Variants in CRISP2 observed in about 807,000 individuals in gnomAD.
CRISP2 encodes the protein cysteine-rich secretory protein 2.
A neutral mutation model predicts 31.7 loss-of-function variants in CRISP2; 29 were observed. That is an observed-to-expected ratio of 0.92 (90% CI 0.68 to 1.25). The LOEUF is 1.25. Ranked by LOEUF, CRISP2 falls within the 50% of genes most tolerant of loss-of-function variation. CRISP2 has a pLI of 0.00. For missense variants in CRISP2, 318 were observed against 286.5 expected (o/e 1.11, Z -0.79); for synonymous variants, 111 against 101.4 (o/e 1.09, Z -0.57).
At chr6:49,690,333 A>C (rs574894695), downstream of CRISP2, among the ~76,000 whole-genome samples, 9 of 152,116 alleles carry the variant, frequency 5.9e-5, no homozygotes, top group Non-Finnish European at 1.3e-4. Flanking sequence ...CATGAAAGAA[A>C]CCCAAACAAA....
chr6:49,681,999 T>C, the CRISP2 span, among the ~76,000 whole-genome samples: 2 of 152,190 alleles, frequency 1.3e-5, no homozygotes, highest in Non-Finnish European at 2.9e-5. Context: ...GGTTAGATCA[T>C]TCTTTTTCTC....
chr6:49,713,012 A>ATT (rs564846691), intron 1 of CRISP2, among the ~76,000 whole-genome samples: 1 of 149,832 alleles, frequency 6.7e-6, no homozygotes, highest in African/African-American at 2.4e-5. Flanking sequence ...TTGTCTCTTC[A>ATT]TTTTTTTTTT....
At position 49,695,932 on chromosome 6, in the gene CRISP2, T is replaced by A. The variant is rs376334111; in HGVS notation, c.516-8A>T. On this transcript the variant is annotated splice_region_variant and splice_polypyrimidine_tract_variant and intron_variant, in intron 8 of 9. Coordinates refer to ENST00000339139, the MANE Select transcript of CRISP2 (RefSeq NM_003296.4). ...CTATTCATATTATTACCACTGAAAT[T>A]TGAAATACATGTCAAATATTTTTCA... 6.3e-7 allele frequency: 1 copy of A among 1,575,020 alleles called. No individual in the cohort carries two copies. The highest frequency in any genetic ancestry group is 1.4e-5 in the African/African-American group (1 of 73,918).
chr6:49,683,746 T>C, the CRISP2 span, among the ~76,000 whole-genome samples: 1 of 128,202 alleles, frequency 7.8e-6, no homozygotes, highest in African/African-American at 2.9e-5. Context: ...ACTAAGTCAC[T>C]ATGTAATTTA....
intron 8 of CRISP2, among the ~76,000 whole-genome samples, chr6:49,696,761 A>G (rs904247933): frequency 2.0e-5 from 3 of 152,144 alleles, no homozygotes; most frequent in Non-Finnish European, 4.4e-5. Context: ...AAGTGGGGTA[A>G]GGACCCAAGG....
intron 4 of CRISP2, among the ~76,000 whole-genome samples, chr6:49,703,077 C>A (rs1020076121): frequency 7.2e-5 from 11 of 152,200 alleles, no homozygotes; most frequent in Middle Eastern, 3.4e-3. Flanking sequence ...AATAAGGTGT[C>A]CTTTTCCCAC....
At chr6:49,697,795 G>A (rs1765021378) in intron 8 of CRISP2, 65 bp downstream of exon 8, 1 of 1,603,416 alleles carries the variant, frequency 6.2e-7, no homozygotes, top group Non-Finnish European at 8.5e-7. Context: ...TTTAAGATAT[G>A]AGAATTATTA....
chr6:49,696,781 T>C (rs773511430), intron 8 of CRISP2, among the ~76,000 whole-genome samples: 27 of 152,142 alleles, frequency 1.8e-4, no homozygotes, highest in Non-Finnish European at 2.6e-4. Context: ...GAAGTGCAGC[T>C]GAATCTCAGT....
At chr6:49,696,691 T>C (rs1561865134) in intron 8 of CRISP2, among the ~76,000 whole-genome samples, 1 of 152,142 alleles carries the variant, frequency 6.6e-6, no homozygotes. Flanking sequence ...ATGATGATCA[T>C]TATTCTATTG....
chr6:49,688,720 T>C (rs1213773116), downstream of CRISP2, among the ~76,000 whole-genome samples: 1 of 152,226 alleles, frequency 6.6e-6, no homozygotes, highest in Admixed American at 6.5e-5. Context: ...CAAAAATGCA[T>C]TTTTGAATCT....
the CRISP2 span, among the ~76,000 whole-genome samples, chr6:49,682,481 CCT>C: frequency 8.9e-5 from 1 of 11,288 alleles, no homozygotes. Flanking sequence ...TCCCTCCCTC[CCT>C]CCTCCTCCTC....
At chr6:49,705,513 T>C (rs1766868719) in intron 4 of CRISP2, among the ~76,000 whole-genome samples, 2 of 152,160 alleles carry the variant, frequency 1.3e-5, no homozygotes, top group African/African-American at 4.8e-5. Flanking sequence ...TGTACTCATA[T>C]CCGTACTTCC....
At chr6:49,706,090 G>A (rs1043622224) in intron 4 of CRISP2, among the ~76,000 whole-genome samples, 2 of 152,164 alleles carry the variant, frequency 1.3e-5, no homozygotes, top group Non-Finnish European at 2.9e-5. Flanking sequence ...CTTTTAATAT[G>A]ATTTGTATAG....
chr6:49,705,446 A>G (rs1477301614), intron 4 of CRISP2, among the ~76,000 whole-genome samples: 1 of 152,164 alleles, frequency 6.6e-6, no homozygotes, highest in Admixed American at 6.5e-5. Flanking sequence ...ACCCTCCCCA[A>G]GGAGAGACTA....
At chr6:49,701,521 TATATAC>T (rs1428884713) in intron 4 of CRISP2, among the ~76,000 whole-genome samples, 1,396 of 123,966 alleles carry the variant, frequency 0.011, 59 homozygotes, top group African/African-American at 0.021. Context: ...TATATATATA[TATATAC>T]ACACACACAC....
the CRISP2 span, among the ~76,000 whole-genome samples, chr6:49,683,683 AAAAAAAAAAAAATATATATAT>A: frequency 5.0e-4 from 26 of 51,840 alleles, no homozygotes; most frequent in Non-Finnish European, 8.9e-4. Context: ...AAAAAAAAAA[AAAAAAAAAAAAATATATATAT>A]ATATATATAT....
chr6:49,712,723 A>G (rs1768247154), intron 1 of CRISP2, 119 bp from the exon 2 acceptor site: 1 of 152,172 alleles, frequency 6.6e-6, no homozygotes, highest in Non-Finnish European at 1.5e-5. Context: ...TGTTTCTAAT[A>G]ATTTACTGTA....
intron 9 of CRISP2, among the ~76,000 whole-genome samples, chr6:49,693,755 C>T (rs186856057): frequency 1.8e-4 from 27 of 152,068 alleles, no homozygotes; most frequent in Admixed American, 6.5e-4. Context: ...GTTTATTTAT[C>T]GTATTTTTCA....
chr6:49,679,464 G>A, the CRISP2 span, among the ~76,000 whole-genome samples: 1 of 152,124 alleles, frequency 6.6e-6, no homozygotes, highest in African/African-American at 2.4e-5. Context: ...AACTTAAAAT[G>A]AGAGCAAAGG....
Sources: allele counts gnomAD v4.1 joint callset (sites outside exome capture counted in the v4.1 genomes callset), GRCh38; gene constraint gnomAD v4.1.1; transcripts MANE v1.5; gene names NCBI Gene and HGNC (gene_info 2026-07-23, HGNC 2026-07-21).